The following MAST2 variants were observed in gnomAD, a reference collection of about 807,000 sequenced individuals.
MAST2 encodes the protein microtubule-associated serine/threonine-protein kinase 2.
In MAST2, 70 loss-of-function variants were observed where a neutral mutation model predicts 147.4. The ratio of observed to expected loss-of-function variants is 0.47; its 90% CI spans 0.39 to 0.58. MAST2 has a LOEUF of 0.58. Among genes scored for constraint, MAST2 ranks in the 20% least tolerant of loss-of-function variants. The probability of loss-of-function intolerance (pLI) is 0.00; values close to 1 mark genes in which losing one functional copy is unlikely to be tolerated. For missense variants in MAST2, 2,080 were observed against 2,302.3 expected, an observed-to-expected ratio of 0.90 and a Z score of 1.98; for synonymous variants, 869 against 896.8, an observed-to-expected ratio of 0.97 and a Z score of 0.55.
rs547287781 is a variant in MAST2, at chr1:46,019,798, C to T, written c.1290+101C>T. On this transcript the variant is annotated intron_variant, in intron 11 of 28. Transcript: ENST00000361297. ...ACTGTGGTGGTAACCACTGCCATTT[C>T]TGTTGCTTAGGTCCTTATTTAAATA... The T allele has an allele frequency of 1.3e-3, 1,251 of 998,180 alleles. 19 individuals are homozygous for T. In the South Asian group the frequency reaches 0.014, roughly 11 times the overall value. The allele number at this position is 998,180 out of a possible 1,614,324, so 61.8% of individuals were successfully genotyped here.
chr1:45,814,118 C>A (rs546960553), intron 1 of MAST2, among the ~76,000 whole-genome samples: 2 of 152,240 alleles, frequency 1.3e-5, no homozygotes, highest in African/African-American at 4.8e-5. Flanking sequence ...ATGCACAGCA[C>A]ATAATACCTA....
chr1:45,975,126 G>A (rs1644083035), intron 5 of MAST2, among the ~76,000 whole-genome samples: 1 of 152,140 alleles, frequency 6.6e-6, no homozygotes, highest in South Asian at 2.1e-4. Flanking sequence ...TCATTTGAGA[G>A]AGCTGCCAAG....
In MAST2 at chr1:46,006,399, A is replaced by C. The variant is rs759299760; in HGVS notation, c.902+4A>C. 6.2e-7 allele frequency: 1 copy of C among 1,611,086 alleles called. No individual in the cohort carries two copies. Among genetic ancestry groups the C allele is most frequent in the South Asian group, 1.1e-5 (1 of 90,466 alleles). Reference sequence around the variant, plus strand: ...GGCCTCGCTCCCGGAGCCTCAGGTGAGGGTGCTCTCTGCCCACTGTTCCAG... The same window carrying C: ...GGCCTCGCTCCCGGAGCCTCAGGTGCGGGTGCTCTCTGCCCACTGTTCCAG... On this transcript the variant is annotated splice_donor_region_variant and intron_variant, in intron 8 of 28. Coordinates refer to ENST00000361297, the MANE Select transcript of MAST2 (RefSeq NM_015112.3).
intron 4 of MAST2, among the ~76,000 whole-genome samples, chr1:45,884,335 G>A (rs1035211459): frequency 6.6e-6 from 1 of 152,046 alleles, no homozygotes; most frequent in Non-Finnish European, 1.5e-5. Flanking sequence ...ATCACCTGAG[G>A]TCAGTAGTTC....
At chr1:45,895,353 G>A (rs11577047) in intron 4 of MAST2, among the ~76,000 whole-genome samples, 2,560 of 152,134 alleles carry the variant, frequency 0.017, 35 homozygotes, top group Non-Finnish European at 0.027. Flanking sequence ...TACATACCCG[G>A]GATTGGTCAG....
intron 4 of MAST2, among the ~76,000 whole-genome samples, chr1:45,951,964 A>G (rs1181541461): frequency 6.6e-6 from 1 of 152,244 alleles, no homozygotes; most frequent in African/African-American, 2.4e-5. Flanking sequence ...ATAATAAATA[A>G]AAATAAATCC....
At chr1:45,804,341 T>C (rs1218992045) in intron 1 of MAST2, among the ~76,000 whole-genome samples, 1 of 152,058 alleles carries the variant, frequency 6.6e-6, no homozygotes, top group Non-Finnish European at 1.5e-5. Flanking sequence ...GACGCTGGAA[T>C]GTGGGCTGAG....
chr1:45,972,072 G>T (rs984920910), intron 5 of MAST2, among the ~76,000 whole-genome samples: 8 of 152,170 alleles, frequency 5.3e-5, no homozygotes, highest in Non-Finnish European at 1.2e-4. Flanking sequence ...GCCAATTCCA[G>T]GTGAGGACTC....
chr1:45,911,853 ATATTATTATTATTAT>A (rs10595888), intron 4 of MAST2, among the ~76,000 whole-genome samples: 26,299 of 135,694 alleles, frequency 0.19, 2,987 homozygotes, highest in Non-Finnish European at 0.26. Context: ...TATTATTGTT[ATATTATTATTATTAT>A]TATTATTATT....
rs968811474 is a variant in MAST2, at chr1:45,865,240, G to A, written c.469-17124G>A. The stretch of plus-strand genomic sequence containing the variant: ...TAATGTATTTAATTCATTTGAGGTA[G>A]GAGGCAGAGTGGAGTGCAGCTAAGT... On this transcript the variant is annotated intron_variant, in intron 3 of 28. Coordinates refer to ENST00000361297, the MANE Select transcript of MAST2 (RefSeq NM_015112.3). 2.6e-4 allele frequency: 102 copies of A among 392,484 alleles called. 1 individual carries two copies. The Admixed American group carries it at 3.0e-3, about 12-fold the overall frequency. 24.3% of individuals were successfully genotyped at this position (392,484 alleles called of 1,614,324 possible). A position where few individuals can be genotyped will look rare whatever the true frequency, so the allele number is the denominator to read the frequency against.
chr1:45,968,121 T>A (rs1643688083), intron 5 of MAST2, among the ~76,000 whole-genome samples: 1 of 152,202 alleles, frequency 6.6e-6, no homozygotes, highest in East Asian at 1.9e-4. Context: ...GTTAGTATAA[T>A]GCAAATATTT....
intron 5 of MAST2, among the ~76,000 whole-genome samples, chr1:45,977,435 C>A (rs1271507326): frequency 6.7e-6 from 1 of 150,364 alleles, no homozygotes; most frequent in African/African-American, 2.5e-5. Flanking sequence ...TTGCAATGAG[C>A]CGAGGTGGCG....
chr1:45,953,000 G>T (rs1463974135), intron 4 of MAST2, among the ~76,000 whole-genome samples: 1 of 152,106 alleles, frequency 6.6e-6, no homozygotes, highest in African/African-American at 2.4e-5. Flanking sequence ...AAGTAAGATA[G>T]ACCTGAAATA....
intron 4 of MAST2, among the ~76,000 whole-genome samples, chr1:45,911,328 T>C (rs986540924): frequency 6.6e-6 from 1 of 152,240 alleles, no homozygotes; most frequent in Non-Finnish European, 1.5e-5. Flanking sequence ...ATGTAAAATA[T>C]GGCTTTCATT....
intron 5 of MAST2, among the ~76,000 whole-genome samples, chr1:45,971,747 A>G (rs1643920914): frequency 6.6e-6 from 1 of 152,228 alleles, no homozygotes; most frequent in Admixed American, 6.5e-5. Flanking sequence ...GATTGTTTAT[A>G]CTTTTCCACT....
At chr1:45,945,260 C>T (rs936732823) in intron 4 of MAST2, among the ~76,000 whole-genome samples, 1 of 152,142 alleles carries the variant, frequency 6.6e-6, no homozygotes. Context: ...GAGATTGCAC[C>T]ACTGCAATCC....
intron 1 of MAST2, among the ~76,000 whole-genome samples, chr1:45,812,425 C>CTTTTTT (rs35095652): frequency 8.2e-6 from 1 of 121,680 alleles, no homozygotes; most frequent in Non-Finnish European, 1.7e-5. Context: ...ATCTGTAAGC[C>CTTTTTT]TTTTTTTTTT....
intron 4 of MAST2, among the ~76,000 whole-genome samples, chr1:45,916,423 T>C (rs1274867315): frequency 1.3e-5 from 2 of 152,176 alleles, no homozygotes; most frequent in African/African-American, 4.8e-5. Flanking sequence ...ATTAGAAATC[T>C]ATTTATTACC....
chr1:46,029,034 T>C (rs1467160660), intron 18 of MAST2, 101 bp downstream of exon 18: 1 of 1,297,418 alleles, frequency 7.7e-7, no homozygotes, highest in East Asian at 2.4e-5. Flanking sequence ...TGTTCTGAAC[T>C]CATCATGTGT....
Sources: allele counts gnomAD v4.1 joint callset (sites outside exome capture counted in the v4.1 genomes callset), GRCh38; gene constraint gnomAD v4.1.1; transcripts MANE v1.5; gene names NCBI Gene and HGNC (gene_info 2026-07-23, HGNC 2026-07-21).